Variants in SCYL3 observed in about 807,000 individuals in gnomAD.
SCYL3 encodes SCY1 like pseudokinase 3.
SCYL3 carries 35 observed loss-of-function variants against 73.8 expected under a neutral mutation model. That is an observed-to-expected ratio of 0.47 (90% CI 0.36 to 0.63). The LOEUF is 0.63. Among genes scored for constraint, SCYL3 ranks in the 20% least tolerant of loss-of-function variants. The pLI is 0.00. For synonymous variants in SCYL3, 277 were observed against 295.2 expected (o/e 0.94, Z 0.63); for missense variants, 712 against 798.9 (o/e 0.89, Z 1.31).
rs1305568688 is a variant in SCYL3, at chr1:169,852,463, A to AAAG, written c.*1247_*1249dup. The stretch of plus-strand genomic sequence containing the variant: ...ATAAGTTTTAGTCAAACTCTCATAA[A>AAAG]AAGAAAATACATTTATGAACTTGTT... On this transcript the variant is annotated 3_prime_UTR_variant, in exon 13 of 13. Coordinates refer to ENST00000367771, the MANE Select transcript of SCYL3 (RefSeq NM_020423.7). 1.3e-5 allele frequency: 4 copies of AAAG among 307,412 alleles called. No individual in the cohort carries two copies. The highest frequency in any genetic ancestry group is 2.2e-5 in the African/African-American group (1 of 45,920). The allele number at this position is 307,412 out of a possible 1,614,324, so 19.0% of individuals were successfully genotyped here.
At chr1:169,893,713 T>G (rs1662253428) in intron 1 of SCYL3, 75 bp downstream of exon 1, 1 of 151,220 alleles carries the variant, frequency 6.6e-6, no homozygotes, top group Admixed American at 6.6e-5. Flanking sequence ...GCCCGCCGCC[T>G]CCTCCCCGCC....
rs748146439 is a variant in SCYL3 at position 169,888,778 on chromosome 1, G to A, written c.63C>T (p.Pro21=). Residue 21 remains proline (P), a synonymous_variant, in exon 2 of 13, where the codon CCC becomes CCT. Transcript: ENST00000367771. ...YTLREPPFTL[P]SGLAVYPAVL... ...CAGCGGGATAAACAGCAAGTCCAGAGGGTAAGGTAAATGGTGGTTCTCTCA... is the reference window on the plus strand; with the variant it reads ...CAGCGGGATAAACAGCAAGTCCAGAAGGTAAGGTAAATGGTGGTTCTCTCA... 3 of 1,614,108 alleles carry A rather than the reference G, an allele frequency of 1.9e-6. No homozygotes were observed. In the South Asian group the frequency reaches 3.3e-5, roughly 18 times the overall value.
At chr1:169,870,141 G>A (rs1660292935) in intron 6 of SCYL3, 114 bp downstream of exon 6, 1 of 739,976 alleles carries the variant, frequency 1.4e-6, no homozygotes, top group Non-Finnish European at 2.1e-6. Flanking sequence ...TACCTGGTAA[G>A]CAAAAGATTC....
In SCYL3 at chr1:169,850,893, T is replaced by A. The variant is rs1658091176; in HGVS notation, c.*2820A>T. The stretch of plus-strand genomic sequence containing the variant: ...CTAATGAGGATCCCTAAGCTATTAA[T>A]AATCATAATTAAATACACTTGATCA... On this transcript the variant is annotated 3_prime_UTR_variant, in exon 13 of 13. Transcript: ENST00000367771. 6.7e-6 allele frequency: 1 copy of A among 149,192 alleles called. No homozygotes were observed. The highest frequency in any genetic ancestry group is 1.5e-5 in the Non-Finnish European group (1 of 67,624). The allele number at this position is 149,192 out of a possible 1,614,324, so 9.2% of individuals were successfully genotyped here.
intron 8 of SCYL3, 132 bp downstream of exon 8, chr1:169,866,764 C>T: frequency 1.6e-6 from 1 of 632,346 alleles, no homozygotes; most frequent in Non-Finnish European, 2.8e-6. Context: ...AGCAGAAAGC[C>T]TGACACATAG....
At position 169,853,344 on chromosome 1, in the gene SCYL3, T is replaced by C. The variant is rs182755716; in HGVS notation, c.*369A>G. ...TATTTCATAATAGAGCTTACTCTTA[T>C]GTTAAAGAATGGCACAAAATTAAGC... On this transcript the variant is annotated 3_prime_UTR_variant, in exon 13 of 13. Transcript: ENST00000367771. 13 of 315,454 alleles carry C rather than the reference T, an allele frequency of 4.1e-5. No individual in the cohort carries two copies. Among genetic ancestry groups the C allele is most frequent in the South Asian group, 2.5e-4 (4 of 16,000 alleles). The allele number at this position is 315,454 out of a possible 1,614,324, so 19.5% of individuals were successfully genotyped here.
rs1660204895 is a variant in SCYL3, at chr1:169,868,778, T to C, written c.737+150A>G. The C allele has an allele frequency of 5.4e-6, 3 of 556,536 alleles. No individual in the cohort carries two copies. The African/African-American group carries it at 5.6e-5, about 10-fold the overall frequency. The allele number at this position is 556,536 out of a possible 1,614,324, so 34.5% of individuals were successfully genotyped here. On this transcript the variant is annotated intron_variant, in intron 7 of 12. Transcript: ENST00000367771. The stretch of plus-strand genomic sequence containing the variant: ...CCCAATTTCTTCCTCTATTTTCTCC[T>C]GTGGACATGATTCAATCTCTCCTAA...
At position 169,873,735 on chromosome 1, in the gene SCYL3, C is replaced by T. The variant is rs1660595888; in HGVS notation, c.483G>A (p.Gln161=). ...QATPEFLRSI[Q]SIRDPASIPP... ...GGATAGATGCTGGGTCTCTTATTGACTGAATACTCCTCAGAAACTAGACAG... is the reference window on the plus strand; with the variant it reads ...GGATAGATGCTGGGTCTCTTATTGATTGAATACTCCTCAGAAACTAGACAG... The change falls in exon 5 of 13, where the codon CAG becomes CAA. Residue 161 remains glutamine (Q), a synonymous_variant. Coordinates refer to ENST00000367771, the MANE Select transcript of SCYL3 (RefSeq NM_020423.7). 3.1e-6 allele frequency: 5 copies of T among 1,603,646 alleles called. No individual in the cohort carries two copies. Among genetic ancestry groups the T allele is most frequent in the Non-Finnish European group, 3.4e-6 (4 of 1,171,126 alleles).
At chr1:169,883,864 G>A (rs371134511) in intron 2 of SCYL3, among the ~76,000 whole-genome samples, 41 of 151,788 alleles carry the variant, frequency 2.7e-4, no homozygotes, top group African/African-American at 6.8e-4. Context: ...GACTACAGGC[G>A]CCCGCTACCA....
At chr1:169,865,124 A>G (rs1659947500) in intron 8 of SCYL3, among the ~76,000 whole-genome samples, 1 of 152,200 alleles carries the variant, frequency 6.6e-6, no homozygotes, top group South Asian at 2.1e-4. Context: ...GTAGATAATA[A>G]AAGACACTTT....
Position 169,849,719 on chromosome 1 carries a change from G to T in SCYL3, c.*3994C>A. The stretch of plus-strand genomic sequence containing the variant: ...GCTTCTGTATTGCAATCGGAAAATT[G>T]TCTGAAGGGTACATTACTCGTTATC... On this transcript the variant is annotated 3_prime_UTR_variant, in exon 13 of 13. Coordinates refer to ENST00000367771, the MANE Select transcript of SCYL3 (RefSeq NM_020423.7). 1 of 757,032 alleles carries T rather than the reference G, an allele frequency of 1.3e-6. No individual in the cohort carries two copies. Among genetic ancestry groups the T allele is most frequent in the East Asian group, 2.7e-5 (1 of 37,662 alleles). The allele number at this position is 757,032 out of a possible 1,614,324, so 46.9% of individuals were successfully genotyped here. A position where few individuals can be genotyped will look rare whatever the true frequency, so the allele number is the denominator to read the frequency against.
chr1:169,855,584 G>T (rs1659060043), intron 11 of SCYL3, among the ~76,000 whole-genome samples: 1 of 152,118 alleles, frequency 6.6e-6, no homozygotes, highest in African/African-American at 2.4e-5. Context: ...GTGCAAAAAA[G>T]AATTCAAGTA....
At chr1:169,854,155 G>GTTTGA in intron 12 of SCYL3, 115 bp downstream of exon 12, 2 of 753,032 alleles carry the variant, frequency 2.7e-6, no homozygotes, top group Non-Finnish European at 4.1e-6. Context: ...TTAATTTTGT[G>GTTTGA]CTTGACTTGA....
intron 10 of SCYL3, among the ~76,000 whole-genome samples, chr1:169,860,804 T>TC (rs1326936975): frequency 6.6e-6 from 1 of 152,190 alleles, no homozygotes; most frequent in Non-Finnish European, 1.5e-5. Flanking sequence ...TGTCACACTT[T>TC]CCCCAGCCTT....
chr1:169,870,818 G>A (rs903273321), intron 5 of SCYL3, among the ~76,000 whole-genome samples: 7 of 151,248 alleles, frequency 4.6e-5, no homozygotes, highest in African/African-American at 1.7e-4. Flanking sequence ...GCAAATCACC[G>A]ATTTTAAAAA....
chr1:169,854,801 C>A lies in SCYL3; in HGVS notation c.1476G>T (p.Gln492His). The A allele has an allele frequency of 1.9e-6, 3 of 1,614,004 alleles. No individual in the cohort carries two copies. In the South Asian group the frequency reaches 3.3e-5, roughly 18 times the overall value. ...EEPENQTVNI[Q>H]IWPREPCDDV... The stretch of plus-strand genomic sequence containing the variant: ...CATCACAAGGTTCTCTAGGCCAAAT[C>A]TGTATGTTGACAGTTTGATTTTCAG... Residue 492 changes from glutamine (Q) to histidine (H), a missense_variant, in exon 12 of 13, where the codon CAG (glutamine) becomes CAT (histidine). Physicochemically the swap from Gln to His is conservative, Grantham distance 24 (BLOSUM62 0). Coordinates refer to ENST00000367771, the MANE Select transcript of SCYL3 (RefSeq NM_020423.7).
chr1:169,863,309 A>G (rs1332492305), intron 9 of SCYL3, among the ~76,000 whole-genome samples: 1 of 152,244 alleles, frequency 6.6e-6, no homozygotes, highest in African/African-American at 2.4e-5. Context: ...CTTACCTTGT[A>G]GAGTTTTTGA....
Position 169,851,997 on chromosome 1 carries a change from A to G in SCYL3, c.*1716T>C, listed in dbSNP as rs1455021807. The stretch of plus-strand genomic sequence containing the variant: ...AAGGCAAATTCTGCCCTTTTTACTT[A>G]CTGACGAAACAAACCAGTGTGGTTT... On this transcript the variant is annotated 3_prime_UTR_variant, in exon 13 of 13. Coordinates refer to ENST00000367771, the MANE Select transcript of SCYL3 (RefSeq NM_020423.7). 5.0e-6 allele frequency: 8 copies of G among 1,610,530 alleles called. No homozygotes were observed. Among genetic ancestry groups the G allele is most frequent in the Admixed American group, 1.7e-5 (1 of 59,904 alleles).
At chr1:169,885,466 G>A (rs530027910) in intron 2 of SCYL3, among the ~76,000 whole-genome samples, 1 of 152,284 alleles carries the variant, frequency 6.6e-6, no homozygotes, top group African/African-American at 2.4e-5. Context: ...ATGAGACAAA[G>A]CCATAATTTC....
Sources: gnomAD v4.1 joint callset for allele counts (sites outside exome capture counted in the v4.1 genomes callset) on GRCh38, gnomAD v4.1.1 for gene constraint, MANE v1.5 for transcripts, NCBI Gene and HGNC (gene_info 2026-07-23, HGNC 2026-07-21) for gene names.